The following ADNP variants were observed in gnomAD, a reference collection of about 807,000 sequenced individuals.
The protein encoded by ADNP is activity-dependent neuroprotector homeobox protein.
In ADNP, 4 loss-of-function variants were observed where a neutral mutation model predicts 84.9. The observed-to-expected ratio is 0.05, with a 90% CI of 0.02 to 0.11. ADNP has a LOEUF of 0.11. Among genes scored for constraint, ADNP ranks in the 10% least tolerant of loss-of-function variants. The probability of loss-of-function intolerance (pLI) is 1.00; values close to 1 mark genes in which losing one functional copy is unlikely to be tolerated. For missense variants in ADNP, 1,132 were observed against 1,326.0 expected (o/e 0.85, Z 2.27); for synonymous variants, 554 against 468.1 (o/e 1.18, Z -2.37).
intron 5 of ADNP, among the ~76,000 whole-genome samples, chr20:50,901,481 A>T (rs976781264): frequency 6.6e-6 from 1 of 152,206 alleles, no homozygotes; most frequent in African/African-American, 2.4e-5. Flanking sequence ...TCTATGCAGA[A>T]GGAAATATCA....
intron 5 of ADNP, among the ~76,000 whole-genome samples, chr20:50,895,793 C>G (rs1401872991): frequency 6.6e-6 from 1 of 152,216 alleles, no homozygotes; most frequent in African/African-American, 2.4e-5. Flanking sequence ...TTTGGCTTCC[C>G]AAAGTGCTGG....
chr20:50,915,051 C>T (rs1318494748), intron 2 of ADNP, among the ~76,000 whole-genome samples: 3 of 151,634 alleles, frequency 2.0e-5, no homozygotes, highest in Admixed American at 6.6e-5. Flanking sequence ...GTACCTATAT[C>T]GAGTCAGCTT....
At chr20:50,928,368 C>G (rs140892352) in intron 2 of ADNP, among the ~76,000 whole-genome samples, 96 of 152,246 alleles carry the variant, frequency 6.3e-4, no homozygotes, top group African/African-American at 2.2e-3. Flanking sequence ...ATTGGGTTAT[C>G]AAAGTAATAG....
chr20:50,902,614 C>G (rs1306180710), intron 4 of ADNP, among the ~76,000 whole-genome samples: 2 of 152,064 alleles, frequency 1.3e-5, no homozygotes, highest in African/African-American at 4.8e-5. Flanking sequence ...GAAAGTTAAG[C>G]AGTATGATGT....
intron 5 of ADNP, among the ~76,000 whole-genome samples, chr20:50,899,630 C>T (rs1465818853): frequency 6.6e-6 from 1 of 151,962 alleles, no homozygotes; most frequent in East Asian, 1.9e-4. Flanking sequence ...ACGACACTGC[C>T]ATCACAGGAA....
At chr20:50,904,696 T>C (rs187494045) in intron 3 of ADNP, 70 bp downstream of exon 3, 35 of 152,306 alleles carry the variant, frequency 2.3e-4, no homozygotes, top group African/African-American at 8.2e-4. Flanking sequence ...AGCAATCAAT[T>C]ATTTTTAAAT....
In ADNP at chr20:50,894,332, A is replaced by G; in HGVS notation, c.382T>C (p.Phe128Leu). The G allele has an allele frequency of 6.2e-7, 1 of 1,613,732 alleles. No homozygotes were observed. Among genetic ancestry groups the G allele is most frequent in the Non-Finnish European group, 8.5e-7 (1 of 1,179,930 alleles). ...GGTGCGCTGGCGTTCGGAGCATGAA[A>G]TATTTTAATGTGTGTTTCCAAAGTC... The part of the protein sequence containing the change: ...KKTLETHIKI[F>L]HAPNASAPSS... The change falls in exon 6 of 6, where the codon TTT becomes CTT. Residue 128 changes from phenylalanine to leucine, a missense_variant. Physicochemically the swap from Phe to Leu is conservative, Grantham distance 22. Coordinates refer to ENST00000621696, the MANE Select transcript of ADNP (RefSeq NM_001282531.3).
intron 1 of ADNP, among the ~76,000 whole-genome samples, chr20:50,929,773 T>G (rs1984536745): frequency 6.6e-6 from 1 of 151,990 alleles, no homozygotes; most frequent in Non-Finnish European, 1.5e-5. Context: ...GCATCAGGGA[T>G]GGGAACTGGG....
intron 5 of ADNP, among the ~76,000 whole-genome samples, chr20:50,900,899 T>C (rs1600950300): frequency 6.6e-6 from 1 of 152,320 alleles, no homozygotes; most frequent in Non-Finnish European, 1.5e-5. Flanking sequence ...CCAAGAACAC[T>C]TCAAAAGAGC....
rs771916861 is a variant in ADNP at position 50,892,686 on chromosome 20, G to T, written c.2028C>A (p.Thr676=). The change falls in exon 6 of 6, where the codon ACC becomes ACA. Residue 676 remains threonine, a synonymous_variant. Transcript: ENST00000621696. ...HCLGVYTSNM[T]ASTITLHLVH... ...CTAGATGCAGAGTGATAGTTGAGGC[G>T]GTCATGTTGCTGGTATACACACCAA... 1 of 1,614,166 alleles carries T rather than the reference G, an allele frequency of 6.2e-7. No individual in the cohort carries two copies. Among genetic ancestry groups the T allele is most frequent in the Non-Finnish European group, 8.5e-7 (1 of 1,180,032 alleles).
chr20:50,911,048 C>A (rs1383748794), intron 2 of ADNP, among the ~76,000 whole-genome samples: 1 of 152,182 alleles, frequency 6.6e-6, no homozygotes, highest in Non-Finnish European at 1.5e-5. Context: ...CTGATTAGGG[C>A]CCAAACATTA....
chr20:50,891,829 ACAT>A lies in ADNP; in HGVS notation c.2882_2884del (p.Asp961del), dbSNP rs755785720. On this transcript the variant is annotated inframe_deletion, in exon 6 of 6. Transcript: ENST00000621696. ...AGAAGCACCGTCTTTCCACTCAACAACATCGTCTTGGTCAACCTCACTATCAGA... is the reference window on the plus strand; with the variant it reads ...AGAAGCACCGTCTTTCCACTCAACAACGTCTTGGTCAACCTCACTATCAGA... The A allele has an allele frequency of 7.4e-6, 12 of 1,614,012 alleles. No individual in the cohort carries two copies. The Admixed American group carries it at 1.2e-4, about 16-fold the overall frequency.
Position 50,891,354 on chromosome 20 carries a change from A to G in ADNP, c.*51T>C, listed in dbSNP as rs770355320. 1.3e-6 allele frequency: 2 copies of G among 1,518,562 alleles called. No individual in the cohort carries two copies. The highest frequency in any genetic ancestry group is 8.8e-7 in the Non-Finnish European group (1 of 1,139,862). 94.1% of individuals were successfully genotyped at this position (1,518,562 alleles called of 1,614,324 possible). Reference sequence around the variant, plus strand: ...GAAGACAGCTTTGCAGTCACACTGGATATCAGAGTTCCAGGCTGCAGCATG... The same window carrying G: ...GAAGACAGCTTTGCAGTCACACTGGGTATCAGAGTTCCAGGCTGCAGCATG... On this transcript the variant is annotated 3_prime_UTR_variant, in exon 6 of 6. Coordinates refer to ENST00000621696, the MANE Select transcript of ADNP (RefSeq NM_001282531.3).
chr20:50,890,104 A>AGGGT lies in ADNP; in HGVS notation c.*1300_*1301insACCC. The AGGGT allele has an allele frequency of 3.4e-6, 1 of 293,324 alleles. No homozygotes were observed. The highest frequency in any genetic ancestry group is 6.2e-6 in the Non-Finnish European group (1 of 160,678). 18.2% of individuals were successfully genotyped at this position (293,324 alleles called of 1,614,324 possible). A position where few individuals can be genotyped will look rare whatever the true frequency, so the allele number is the denominator to read the frequency against. ...TGCTCCTTAACAAAAGGTGAACTGAAAAACTCAAGGGTGTTTGTTTTTCAG... is the reference window on the plus strand; with the variant it reads ...TGCTCCTTAACAAAAGGTGAACTGAAGGGTAAACTCAAGGGTGTTTGTTTTTCAG... On this transcript the variant is annotated 3_prime_UTR_variant, in exon 6 of 6. Coordinates refer to ENST00000621696, the MANE Select transcript of ADNP (RefSeq NM_001282531.3).
intron 2 of ADNP, among the ~76,000 whole-genome samples, chr20:50,919,011 A>G (rs6020847): frequency 0.1 from 15,494 of 152,178 alleles, 2,122 homozygotes; most frequent in African/African-American, 0.31. Flanking sequence ...AGTTCATCAC[A>G]GGTGATTTCA....
intron 2 of ADNP, among the ~76,000 whole-genome samples, chr20:50,907,140 G>C (rs1010676729): frequency 2.0e-5 from 3 of 151,382 alleles, no homozygotes; most frequent in Non-Finnish European, 4.4e-5. Flanking sequence ...CTAATTTTTT[G>C]TATTTTTAGT....
Position 50,892,636 on chromosome 20 carries a change from G to T in ADNP, c.2078C>A (p.Thr693Asn). 1 of 1,614,192 alleles carries T rather than the reference G, an allele frequency of 6.2e-7. No individual in the cohort carries two copies. The highest frequency in any genetic ancestry group is 8.5e-7 in the Non-Finnish European group (1 of 1,180,038). The change falls in exon 6 of 6, where the codon ACC becomes AAC. Residue 693 changes from threonine (T) to asparagine (N), a missense_variant. Transcript: ENST00000621696. The stretch of plus-strand genomic sequence containing the variant: ...ATTTGTCTTATCCTGGCCATTTTGG[G>T]TCTTTCCAACGCCCCTGCAGTGAAC... ...HLVHCRGVGK[T>N]QNGQDKTNAP...
chr20:50,903,545 T>C (rs1471740462), intron 4 of ADNP, among the ~76,000 whole-genome samples: 2 of 152,214 alleles, frequency 1.3e-5, no homozygotes. Flanking sequence ...GCTGGGCCTA[T>C]TTATTTGTTC....
intron 3 of ADNP, 72 bp from the exon 4 acceptor site, chr20:50,904,073 A>C: frequency 1.7e-6 from 2 of 1,195,978 alleles, no homozygotes; most frequent in Non-Finnish European, 2.4e-6. Context: ...TCCACTGATG[A>C]TAGGATCATA....
Sources: allele counts gnomAD v4.1 joint callset (sites outside exome capture counted in the v4.1 genomes callset), GRCh38; gene constraint gnomAD v4.1.1; transcripts MANE v1.5; gene names NCBI Gene and HGNC (gene_info 2026-07-23, HGNC 2026-07-21).